GAB2: variants seen among roughly 807,000 people sequenced by gnomAD.
The protein encoded by GAB2 is GRB2-associated-binding protein 2.
A neutral mutation model predicts 65.5 loss-of-function variants in GAB2; 26 were observed. The ratio of observed to expected loss-of-function variants is 0.40; its 90% confidence interval spans 0.29 to 0.55. The LOEUF is 0.55. Among genes scored for constraint, GAB2 ranks in the 20% least tolerant of loss-of-function variants. The probability of loss-of-function intolerance (pLI) is 0.53; values close to 1 mark genes in which losing one functional copy is unlikely to be tolerated. For missense variants in GAB2, 884 were observed against 875.8 expected, an observed-to-expected ratio of 1.01 and a Z score of -0.12; for synonymous variants, 321 against 329.6, an observed-to-expected ratio of 0.97 and a Z score of 0.28.
At chr11:78,270,385 C>A (rs1006051385) in intron 2 of GAB2, among the ~76,000 whole-genome samples, 5 of 151,826 alleles carry the variant, frequency 3.3e-5, no homozygotes, top group African/African-American at 1.2e-4. Context: ...AAACCTCTTG[C>A]TCCTCCTCTT....
chr11:78,413,551 A>C (rs1294074157), intron 1 of GAB2, among the ~76,000 whole-genome samples: 1 of 152,182 alleles, frequency 6.6e-6, no homozygotes, highest in Non-Finnish European at 1.5e-5. Flanking sequence ...GGTGAATAAC[A>C]AAGTAGGTTT....
At chr11:78,404,524 C>G (rs1024689445) in intron 1 of GAB2, among the ~76,000 whole-genome samples, 11 of 152,208 alleles carry the variant, frequency 7.2e-5, no homozygotes, top group Admixed American at 2.6e-4. Context: ...CTCTTGGTAA[C>G]AGAGCAAGAC....
In GAB2 at chr11:78,215,357, C is replaced by T. The variant is rs1331172243; in HGVS notation, c.*3915G>A. ...CAACACCACAGTAGAAAGGGACCTGCAAGCTCCAAGCCTGTACCATGTGTC... is the reference window on the plus strand; with the variant it reads ...CAACACCACAGTAGAAAGGGACCTGTAAGCTCCAAGCCTGTACCATGTGTC... On this transcript the variant is annotated 3_prime_UTR_variant, in exon 10 of 10. Transcript: ENST00000361507. The T allele has an allele frequency of 6.6e-6, 1 of 152,558 alleles. No homozygotes were observed. The highest frequency in any genetic ancestry group is 2.4e-5 in the African/African-American group (1 of 41,406). 9.5% of individuals were successfully genotyped at this position (152,558 alleles called of 1,614,324 possible).
intron 1 of GAB2, among the ~76,000 whole-genome samples, chr11:78,349,658 T>C (rs938677390): frequency 6.6e-6 from 1 of 152,202 alleles, no homozygotes; most frequent in Admixed American, 6.5e-5. Flanking sequence ...AGAAATCCTC[T>C]CAAGTCAGGG....
At chr11:78,402,550 C>A (rs1012594231) in intron 1 of GAB2, among the ~76,000 whole-genome samples, 1 of 150,452 alleles carries the variant, frequency 6.6e-6, no homozygotes, top group Non-Finnish European at 1.5e-5. Context: ...CGGCCTCAGC[C>A]GCACCCCCCC....
intron 3 of GAB2, among the ~76,000 whole-genome samples, chr11:78,247,966 G>C (rs1310558857): frequency 2.6e-5 from 4 of 152,130 alleles, no homozygotes; most frequent in African/African-American, 9.7e-5. Flanking sequence ...TTGGTCAAAG[G>C]CCTACAACAA....
Position 78,226,958 on chromosome 11 carries a change from G to A in GAB2, c.714C>T (p.Val238=), listed in dbSNP as rs757895204. The A allele has an allele frequency of 5.0e-6, 8 of 1,613,468 alleles. No individual in the cohort carries two copies. The highest frequency in any genetic ancestry group is 6.8e-6 in the Non-Finnish European group (8 of 1,179,642). ...CATGGACTTGACCACTGATCCCGTTGACACAGTGTCCATTGCCCTGGGCAA... is the reference window on the plus strand; with the variant it reads ...CATGGACTTGACCACTGATCCCGTTAACACAGTGTCCATTGCCCTGGGCAA... The part of the protein sequence containing the change: ...QKLAQGNGHC[V]NGISGQVHGF... The change falls in exon 4 of 10, where the codon GTC becomes GTT. Residue 238 remains valine (V), a synonymous_variant. Transcript: ENST00000361507.
At chr11:78,319,017 T>A (rs1855671237) in intron 1 of GAB2, among the ~76,000 whole-genome samples, 1 of 152,142 alleles carries the variant, frequency 6.6e-6, no homozygotes. Flanking sequence ...TGTTATGTTT[T>A]CCCTCCATCA....
chr11:78,309,971 T>TGTGTGTGTGTGTGTGTGTGCGC (rs1421836447), intron 1 of GAB2, among the ~76,000 whole-genome samples: 125 of 120,152 alleles, frequency 1.0e-3, no homozygotes, highest in African/African-American at 4.3e-3. Context: ...TGTGTGTGTG[T>TGTGTGTGTGTGTGTGTGTGCGC]GCGCGCGCGC....
intron 1 of GAB2, among the ~76,000 whole-genome samples, chr11:78,404,806 T>C (rs1857019829): frequency 6.6e-6 from 1 of 152,194 alleles, no homozygotes; most frequent in Non-Finnish European, 1.5e-5. Context: ...GGTATAAAAA[T>C]ACAGTTAGAA....
intron 1 of GAB2, among the ~76,000 whole-genome samples, chr11:78,314,151 C>T (rs1855554821): frequency 6.6e-6 from 1 of 152,208 alleles, no homozygotes. Context: ...ACATGAGGTG[C>T]TTGACATAGG....
rs148400069 is a variant in GAB2 at position 78,233,336 on chromosome 11, G to C, written c.621-6285C>G. On this transcript the variant is annotated intron_variant, in intron 3 of 9. Coordinates refer to ENST00000361507, the MANE Select transcript of GAB2 (RefSeq NM_080491.3). Reference sequence around the variant, plus strand: ...AGGCATGAGCCACTGCGTCTGGCCTGTTAGCCATTTTTATTTTAGCCCTTC... The same window carrying C: ...AGGCATGAGCCACTGCGTCTGGCCTCTTAGCCATTTTTATTTTAGCCCTTC... Among the ~76,000 whole-genome samples, 1,026 of 152,248 alleles carry C rather than the reference G, an allele frequency of 6.7e-3. 10 individuals carry two copies. The highest frequency in any genetic ancestry group is 0.024 in the African/African-American group (978 of 41,540).
chr11:78,363,249 A>G (rs1856457100), intron 1 of GAB2, among the ~76,000 whole-genome samples: 1 of 152,230 alleles, frequency 6.6e-6, no homozygotes, highest in East Asian at 1.9e-4. Context: ...AAGCAACCAC[A>G]TAGCTAGAGA....
intron 1 of GAB2, among the ~76,000 whole-genome samples, chr11:78,299,644 A>G (rs900410183): frequency 3.3e-5 from 5 of 152,244 alleles, no homozygotes; most frequent in Non-Finnish European, 7.3e-5. Flanking sequence ...CCCTGGTCAC[A>G]GTATTCTACA....
chr11:78,405,091 A>ATTTT (rs1174366754), intron 1 of GAB2, among the ~76,000 whole-genome samples: 31 of 93,242 alleles, frequency 3.3e-4, no homozygotes, highest in African/African-American at 3.6e-4. Context: ...AAAAACATGG[A>ATTTT]TTTTTTTTTT....
At chr11:78,338,818 C>A (rs1591049781) in intron 1 of GAB2, among the ~76,000 whole-genome samples, 1 of 152,138 alleles carries the variant, frequency 6.6e-6, no homozygotes, top group East Asian at 1.9e-4. Context: ...ATAATATGCT[C>A]CAAAAACAAT....
At chr11:78,329,062 G>C (rs1855871923) in intron 1 of GAB2, among the ~76,000 whole-genome samples, 2 of 152,112 alleles carry the variant, frequency 1.3e-5, no homozygotes, top group Admixed American at 1.3e-4. Flanking sequence ...GGTGGTCAAA[G>C]GAATGGATAG....
chr11:78,388,231 G>T (rs1366631562), intron 1 of GAB2: 2 of 151,924 alleles, frequency 1.3e-5, no homozygotes, highest in Non-Finnish European at 2.9e-5. Flanking sequence ...TTTTTGCCTT[G>T]TTGGCCAGAC....
At chr11:78,253,642 A>G (rs945214976) in intron 2 of GAB2, among the ~76,000 whole-genome samples, 3 of 151,956 alleles carry the variant, frequency 2.0e-5, no homozygotes, top group Non-Finnish European at 4.4e-5. Context: ...CTTGTTTCTT[A>G]CCTGTGCTTC....
Sources: allele counts gnomAD v4.1 joint callset (sites outside exome capture counted in the v4.1 genomes callset), GRCh38; gene constraint gnomAD v4.1.1; transcripts MANE v1.5; gene names NCBI Gene and HGNC (gene_info 2026-07-23, HGNC 2026-07-21).